Variants in NOL4L observed in about 807,000 individuals in gnomAD.
The protein encoded by NOL4L is nucleolar protein 4-like.
Under a neutral mutation model 64.5 loss-of-function variants are expected in NOL4L, and 7 were observed. The observed-to-expected ratio is 0.11, with a 90% CI of 0.06 to 0.20. The LOEUF (loss-of-function observed/expected upper bound fraction) is 0.20, where lower values mean the gene tolerates loss of function less well. Ranked by LOEUF, NOL4L falls within the 10% of genes least tolerant of loss-of-function variation. NOL4L has a pLI of 1.00. For synonymous variants in NOL4L, 413 were observed against 401.0 expected, an observed-to-expected ratio of 1.03 and a Z score of -0.36; for missense variants, 680 against 967.1, an observed-to-expected ratio of 0.70 and a Z score of 3.94.
intron 2 of NOL4L, among the ~76,000 whole-genome samples, chr20:32,521,467 C>G (rs539656109): frequency 2.0e-5 from 3 of 152,150 alleles, no homozygotes; most frequent in Non-Finnish European, 4.4e-5. Context: ...TCTGCAGGAC[C>G]CCCATGTTCC....
chr20:32,531,686 C>T (rs1162460005), intron 1 of NOL4L, among the ~76,000 whole-genome samples: 1 of 152,070 alleles, frequency 6.6e-6, no homozygotes, highest in East Asian at 1.9e-4. Flanking sequence ...AGTTTCCGCA[C>T]CTATAAAATG....
chr20:32,467,095 C>T (rs566380823), intron 5 of NOL4L, among the ~76,000 whole-genome samples: 2 of 152,314 alleles, frequency 1.3e-5, no homozygotes, highest in Admixed American at 6.5e-5. Flanking sequence ...TCCCCATCAG[C>T]CTTATGGCTT....
intron 1 of NOL4L, among the ~76,000 whole-genome samples, chr20:32,544,276 T>G (rs1345036346): frequency 7.3e-6 from 1 of 136,788 alleles, no homozygotes; most frequent in African/African-American, 2.8e-5. Context: ...GCCCAGGAGC[T>G]GCTGGAAGGA....
intron 1 of NOL4L, among the ~76,000 whole-genome samples, chr20:32,578,139 G>GGAAGGAAGGAAGGAAGGAGGGAGGGAGA (rs1378928982): frequency 2.0e-4 from 14 of 70,688 alleles, no homozygotes; most frequent in African/African-American, 1.4e-3. Flanking sequence ...AAGGAAGGAA[G>GGAAGGAAGGAAGGAAGGAGGGAGGGAGA]GAGGGAGGGA....
intron 4 of NOL4L, among the ~76,000 whole-genome samples, chr20:32,487,187 G>A (rs1405851320): frequency 2.0e-5 from 3 of 152,122 alleles, no homozygotes; most frequent in Non-Finnish European, 2.9e-5. Context: ...AGAATTGCTT[G>A]AACCCAGGAA....
rs188082080 is a variant in NOL4L at position 32,532,597 on chromosome 20, C to T, written c.322-4684G>A. On this transcript the variant is annotated intron_variant, in intron 1 of 10. Coordinates refer to ENST00000621426, the MANE Select transcript of NOL4L (RefSeq NM_001256798.2). The stretch of plus-strand genomic sequence containing the variant: ...AGCTGCTAATAAAGGAAGCAGAAAG[C>T]ACCTTCCCTGTAGACTTGGGAAGCC... Among the ~76,000 whole-genome samples the T allele has an allele frequency of 3.2e-3, 485 of 152,310 alleles. 5 individuals are homozygous for T. The highest frequency in any genetic ancestry group is 0.011 in the African/African-American group (450 of 41,564).
At chr20:32,532,374 G>A (rs2018376374) in intron 1 of NOL4L, 1 of 985,402 alleles carries the variant, frequency 1.0e-6, no homozygotes, top group Non-Finnish European at 1.2e-6. Context: ...CTACACCCTA[G>A]GGGAAGAACG....
chr20:32,526,974 A>T (rs1398517133), intron 2 of NOL4L, among the ~76,000 whole-genome samples: 1 of 152,174 alleles, frequency 6.6e-6, no homozygotes, highest in African/African-American at 2.4e-5. Flanking sequence ...TGGTCTGGCC[A>T]GTCCCATCTA....
rs73906144 is a variant in NOL4L at position 32,485,693 on chromosome 20, G to T, written c.700-10951C>A. On this transcript the variant is annotated intron_variant, in intron 4 of 10. Coordinates refer to ENST00000621426, the MANE Select transcript of NOL4L (RefSeq NM_001256798.2). ...GGTGCCCAATAATGATTTTTAGAACGAACTAGTGGCCACAGCTCTTAAGTT... is the reference window on the plus strand; with the variant it reads ...GGTGCCCAATAATGATTTTTAGAACTAACTAGTGGCCACAGCTCTTAAGTT... The T allele has an allele frequency of 7.4e-3, 3,430 of 466,252 alleles. 91 individuals carry two copies. The highest frequency in any genetic ancestry group is 0.061 in the African/African-American group (3,050 of 49,942). The allele number at this position is 466,252 out of a possible 1,614,324, so 28.9% of individuals were successfully genotyped here.
At chr20:32,467,233 G>A (rs942388017) in intron 5 of NOL4L, among the ~76,000 whole-genome samples, 5 of 152,044 alleles carry the variant, frequency 3.3e-5, no homozygotes, top group Admixed American at 1.3e-4. Flanking sequence ...CTGACTCCTC[G>A]CTGCCTGCTT....
Position 32,447,639 on chromosome 20 carries a change from C to T in NOL4L, c.2000G>A (p.Arg667His), listed in dbSNP as rs372314583. Residue 667 changes from arginine (R) to histidine (H), a missense_variant, in exon 11 of 11, where the codon CGC becomes CAC. Coordinates refer to ENST00000621426, the MANE Select transcript of NOL4L (RefSeq NM_001256798.2). The stretch of plus-strand genomic sequence containing the variant: ...GAGGTTTTCCAGTTCATCTGCAGAG[C>T]GCAGCAGGAAGGCAGCAGACTCCCG... ...GYRESAAFLL[R>H]SADELENLIL... 6 of 1,609,496 alleles carry T rather than the reference C, an allele frequency of 3.7e-6. No individual in the cohort carries two copies. The highest frequency in any genetic ancestry group is 5.1e-6 in the Non-Finnish European group (6 of 1,179,858).
intron 5 of NOL4L, among the ~76,000 whole-genome samples, chr20:32,474,220 G>A (rs1482289637): frequency 6.6e-6 from 1 of 152,268 alleles, no homozygotes; most frequent in Non-Finnish European, 1.5e-5. Flanking sequence ...CAGAAACACA[G>A]CTTGTTTCCC....
At chr20:32,563,104 T>G (rs1009316628) in intron 1 of NOL4L, among the ~76,000 whole-genome samples, 3 of 1,868 alleles carry the variant, frequency 1.6e-3, no homozygotes, top group Non-Finnish European at 9.9e-4. Flanking sequence ...GGAGGGAGGG[T>G]GGAGGCAGGG....
chr20:32,501,707 A>T (rs993030131), intron 4 of NOL4L, among the ~76,000 whole-genome samples: 1 of 152,218 alleles, frequency 6.6e-6, no homozygotes, highest in Non-Finnish European at 1.5e-5. Flanking sequence ...ACATAAAAAT[A>T]CTAAAAGAAA....
At chr20:32,535,911 G>A in intron 1 of NOL4L, 3 of 985,576 alleles carry the variant, frequency 3.0e-6, no homozygotes, top group Non-Finnish European at 2.4e-6. Context: ...GACAGGCCAG[G>A]GTCTGGGCCT....
intron 1 of NOL4L, among the ~76,000 whole-genome samples, chr20:32,556,283 G>A (rs548872667): frequency 6.6e-6 from 1 of 151,898 alleles, no homozygotes; most frequent in Non-Finnish European, 1.5e-5. Context: ...GTGGGGGGGG[G>A]GGGTTTCCCT....
intron 4 of NOL4L, chr20:32,509,720 G>A: frequency 1.6e-6 from 2 of 1,246,624 alleles, no homozygotes; most frequent in Admixed American, 2.5e-5. Flanking sequence ...TTTTTAACCA[G>A]ATCAAATATC....
At chr20:32,492,934 G>A (rs1168897500) in intron 4 of NOL4L, among the ~76,000 whole-genome samples, 3 of 152,218 alleles carry the variant, frequency 2.0e-5, no homozygotes, top group Non-Finnish European at 4.4e-5. Flanking sequence ...CTGCTAAGGT[G>A]AGACCACTGA....
intron 3 of NOL4L, among the ~76,000 whole-genome samples, chr20:32,513,465 G>A (rs963448294): frequency 2.6e-5 from 4 of 152,218 alleles, no homozygotes; most frequent in African/African-American, 4.8e-5. Context: ...GGAATGGGAC[G>A]TTATTGCTTA....
Sources: allele counts gnomAD v4.1 joint callset (sites outside exome capture counted in the v4.1 genomes callset), GRCh38; gene constraint gnomAD v4.1.1; transcripts MANE v1.5; gene names NCBI Gene and HGNC (gene_info 2026-07-23, HGNC 2026-07-21).